The following PRRG1 variants were observed in gnomAD, a reference collection of about 807,000 sequenced individuals.
PRRG1 encodes the protein proline rich and Gla domain 1, also known as transmembrane gamma-carboxyglutamic acid protein 1.
Under a neutral mutation model 11.8 loss-of-function variants are expected in PRRG1, and 5 were observed. The observed-to-expected ratio is 0.42, with a 90% CI of 0.22 to 0.89. The LOEUF is 0.89. Ranked by LOEUF, PRRG1 falls within the 40% of genes least tolerant of loss-of-function variation. The pLI is 0.28. For synonymous variants in PRRG1, 66 were observed against 60.4 expected (o/e 1.09, Z -0.43); for missense variants, 155 against 166.1 (o/e 0.93, Z 0.37).
At chrX:37,385,548 C>G (rs2146547174) in intron 1 of PRRG1, among the ~76,000 whole-genome samples, 1 of 110,680 alleles carries the variant, frequency 9.0e-6, no homozygotes, top group Admixed American at 9.6e-5. Flanking sequence ...TATTATTTAT[C>G]TACCACTGCA....
chrX:37,397,252 T>A (rs782272946), intron 1 of PRRG1, among the ~76,000 whole-genome samples: 1 of 112,837 alleles, frequency 8.9e-6, no homozygotes, highest in African/African-American at 3.2e-5. Context: ...AAGTCGATAC[T>A]GAAGTTAAAA....
intron 3 of PRRG1, among the ~76,000 whole-genome samples, chrX:37,433,907 G>T (rs1932857554): frequency 8.9e-6 from 1 of 112,222 alleles, no homozygotes; most frequent in African/African-American, 3.2e-5. Context: ...TCCCATTTAG[G>T]ATAAGGTGTG....
intron 3 of PRRG1, among the ~76,000 whole-genome samples, chrX:37,431,758 G>GT (rs782375511): frequency 8.6e-4 from 96 of 111,338 alleles, no homozygotes; most frequent in Middle Eastern, 4.7e-3. Context: ...TGTGAACAAT[G>GT]TTTTTTTGTT....
chrX:37,445,699 T>A (rs1933062504), intron 3 of PRRG1, among the ~76,000 whole-genome samples: 1 of 112,971 alleles, frequency 8.9e-6, no homozygotes, highest in Admixed American at 9.3e-5. Flanking sequence ...TGTGCACACT[T>A]TTAATCATTG....
At chrX:37,427,974 A>C (rs1398211421) in intron 3 of PRRG1, among the ~76,000 whole-genome samples, 5 of 111,647 alleles carry the variant, frequency 4.5e-5, no homozygotes, top group African/African-American at 1.6e-4. Flanking sequence ...TGGTGGCAAG[A>C]GAAAATGAGG....
intron 1 of PRRG1, among the ~76,000 whole-genome samples, chrX:37,368,342 G>A (rs1556369991): frequency 8.9e-6 from 1 of 111,996 alleles, no homozygotes; most frequent in Non-Finnish European, 1.9e-5. Context: ...CTTGTTTCAT[G>A]TATTTTAAAA....
At chrX:37,376,549 GTGTATATATATATATATATATA>G (rs1930951795) in intron 1 of PRRG1, among the ~76,000 whole-genome samples, 1 of 16,019 alleles carries the variant, frequency 6.2e-5, no homozygotes, top group Non-Finnish European at 3.7e-4. Flanking sequence ...AGAAATGTGA[GTGTATATATATATATATATATA>G]TGTGCTGAGG....
chrX:37,358,883 T>G (rs1200423661), intron 1 of PRRG1, among the ~76,000 whole-genome samples: 1 of 111,833 alleles, frequency 8.9e-6, no homozygotes, highest in Non-Finnish European at 1.9e-5. Flanking sequence ...TAGTCTTGAT[T>G]TTTTTCACCA....
intron 1 of PRRG1, among the ~76,000 whole-genome samples, chrX:37,388,405 T>C (rs900421589): frequency 8.8e-6 from 1 of 113,164 alleles, no homozygotes; most frequent in Non-Finnish European, 1.9e-5. Flanking sequence ...AGCAGGCTTC[T>C]GTCTGGACAT....
chrX:37,364,126 G>T (rs73466225), intron 1 of PRRG1, among the ~76,000 whole-genome samples: 1,507 of 111,134 alleles, frequency 0.014, 32 homozygotes, highest in African/African-American at 0.045. Flanking sequence ...CACTCCTTTG[G>T]AGAAATCACA....
chrX:37,406,874 T>G (rs1483869966), intron 2 of PRRG1, among the ~76,000 whole-genome samples: 1 of 111,640 alleles, frequency 9.0e-6, no homozygotes, highest in Non-Finnish European at 1.9e-5. Flanking sequence ...CTAATTAATG[T>G]ATATCATGTC....
At chrX:37,391,187 G>C (rs1271878536) in intron 1 of PRRG1, among the ~76,000 whole-genome samples, 1 of 112,000 alleles carries the variant, frequency 8.9e-6, no homozygotes, top group African/African-American at 3.2e-5. Flanking sequence ...AGGATTGGAG[G>C]AGGAACTTTG....
At chrX:37,400,032 G>A (rs1931903326) in intron 1 of PRRG1, among the ~76,000 whole-genome samples, 1 of 111,179 alleles carries the variant, frequency 9.0e-6, no homozygotes, top group Admixed American at 9.5e-5. Context: ...CAATAATAAT[G>A]GGAGACTTTA....
chrX:37,432,076 C>T (rs914806143), intron 3 of PRRG1, among the ~76,000 whole-genome samples: 22 of 103,176 alleles, frequency 2.1e-4, no homozygotes, highest in African/African-American at 8.2e-4. Flanking sequence ...CACACCTGGC[C>T]ATCATGGTGA....
At chrX:37,440,818 T>C (rs1556393407) in intron 3 of PRRG1, 1 of 511,994 alleles carries the variant, frequency 2.0e-6, no homozygotes. Context: ...AAGGCTGGAG[T>C]GCAGCTGTGA....
chrX:37,363,976 C>G (rs1420090332), intron 1 of PRRG1, among the ~76,000 whole-genome samples: 1 of 111,724 alleles, frequency 9.0e-6, no homozygotes, highest in African/African-American at 3.3e-5. Context: ...TCTCCCCCTA[C>G]CTAACACCCC....
chrX:37,432,457 A>G (rs782344551), intron 3 of PRRG1, among the ~76,000 whole-genome samples: 9 of 111,236 alleles, frequency 8.1e-5, no homozygotes, highest in Non-Finnish European at 1.7e-4. Flanking sequence ...ATCATTTCCC[A>G]CCCACAGAGA....
rs149850343 is a variant in PRRG1, at chrX:37,436,778, A to G, written c.171+10778A>G. Among the ~76,000 whole-genome samples, 39 of 112,339 alleles carry G rather than the reference A, an allele frequency of 3.5e-4. 1 individual carries two copies. The East Asian group carries it at 0.011, about 32-fold the overall frequency. On this transcript the variant is annotated intron_variant, in intron 3 of 3. Coordinates refer to ENST00000378628, the MANE Select transcript of PRRG1 (RefSeq NM_001142395.2). ...GAGGTGGAAGTCCAGTCTGGGCAAG[A>G]AATATAGGAGGCAAACATGGGGCAT...
At chrX:37,390,092 G>T (rs1475394145) in intron 1 of PRRG1, among the ~76,000 whole-genome samples, 1 of 111,544 alleles carries the variant, frequency 9.0e-6, no homozygotes, top group Admixed American at 9.5e-5. Flanking sequence ...TTTAGTGTCT[G>T]GTGAGAGCTT....
Sources: gnomAD v4.1 joint callset for allele counts (sites outside exome capture counted in the v4.1 genomes callset) on GRCh38, gnomAD v4.1.1 for gene constraint, MANE v1.5 for transcripts, NCBI Gene and HGNC (gene_info 2026-07-23, HGNC 2026-07-21) for gene names.